The following GTPBP6 variants were observed in gnomAD, a reference collection of about 807,000 sequenced individuals.
GTPBP6 encodes the protein GTP binding protein 6.
GTPBP6 carries 33 observed loss-of-function variants against 28.9 expected under a neutral mutation model. The ratio of observed to expected loss-of-function variants is 1.14; its 90% CI spans 0.87 to 1.53. GTPBP6 has a LOEUF of 1.53. Among genes scored for constraint, GTPBP6 ranks in the 40% most tolerant of loss-of-function variants. GTPBP6 has a pLI of 0.00. For missense variants in GTPBP6, 507 were observed against 408.3 expected, an observed-to-expected ratio of 1.24 and a Z score of -2.08; for synonymous variants, 231 against 192.7, an observed-to-expected ratio of 1.20 and a Z score of -1.65.
In GTPBP6 at chrX:312,761, C is replaced by G; in HGVS notation, c.916+5G>C. ...GGAAGGCCCCTCCCCTGGGCGCGTG[C>G]TCACCGCAGTTGGTGTACCCCACCA... On this transcript the variant is annotated splice_donor_5th_base_variant and intron_variant, in intron 6 of 9. Coordinates refer to ENST00000326153, the Ensembl canonical transcript of GTPBP6. 1 of 1,610,680 alleles carries G rather than the reference C, an allele frequency of 6.2e-7. No homozygotes were observed. Among genetic ancestry groups the G allele is most frequent in the Non-Finnish European group, 8.5e-7 (1 of 1,178,932 alleles).
Position 315,333 on chromosome X carries a change from C to T in GTPBP6, c.488-34G>A, listed in dbSNP as rs1169228666. 72 of 398,530 alleles carry T rather than the reference C, an allele frequency of 1.8e-4. No homozygotes were observed. In the Middle Eastern group the frequency reaches 5.7e-3, roughly 31 times the overall value. The allele number at this position is 398,530 out of a possible 1,614,324, so 24.7% of individuals were successfully genotyped here. A position where few individuals can be genotyped will look rare whatever the true frequency, so the allele number is the denominator to read the frequency against. On this transcript the variant is annotated intron_variant, in intron 2 of 9. Transcript: ENST00000326153. ...AAGAGGGGGTCCCGTCAGAGGCTGGCCGTCCACACCCGTGGACTGTGGGAT... is the reference window on the plus strand; with the variant it reads ...AAGAGGGGGTCCCGTCAGAGGCTGGTCGTCCACACCCGTGGACTGTGGGAT...
chrX:307,516 C>CA lies in GTPBP6; in HGVS notation c.1275-5dup, dbSNP rs752386454. On this transcript the variant is annotated splice_polypyrimidine_tract_variant and splice_region_variant and intron_variant, in intron 8 of 9. Transcript: ENST00000326153. ...GTTCGGTTCCGTGGGGCTGTACCTG[C>CA]AAGGGTGGGGATGTCACAGGCCCCG... is the stretch of plus-strand genomic sequence containing the variant. 8.1e-6 allele frequency: 13 copies of CA among 1,610,462 alleles called. No homozygotes were observed. In the African/African-American group the frequency reaches 1.7e-4, roughly 22 times the overall value.
At chrX:307,931 C>G in intron 7 of GTPBP6, 51 bp from the exon 8 acceptor site, 1 of 1,428,014 alleles carries the variant, frequency 7.0e-7, no homozygotes, top group Non-Finnish European at 9.2e-7. Flanking sequence ...GTCCCTGACC[C>G]CAAGCTTGCA....
chrX:311,119 G>A (rs1305573943), intron 7 of GTPBP6, among the ~76,000 whole-genome samples: 5 of 151,406 alleles, frequency 3.3e-5, no homozygotes, highest in African/African-American at 1.2e-4. Flanking sequence ...TCTCGCCCGG[G>A]GACGTGGGAG....
intron 4 of GTPBP6, 135 bp from the exon 5 acceptor site, chrX:314,352 G>C (rs943469003): frequency 7.9e-6 from 6 of 757,380 alleles, no homozygotes; most frequent in Non-Finnish European, 1.2e-5. Context: ...GCCCCGCTCC[G>C]CGTGTAGCTC....
rs372449358 is a variant in GTPBP6 at position 311,830 on chromosome X, C to G, written c.917-203G>C. On this transcript the variant is annotated intron_variant, in intron 6 of 9. Transcript: ENST00000326153. ...CGTCGCTGTTCTCGGGCCGATGGAG[C>G]GGGGCCGCCGTGCGGACACGGGGGA... The G allele has an allele frequency of 1.6e-4, 100 of 610,948 alleles. 1 individual carries two copies. In the African/African-American group the frequency reaches 1.7e-3, roughly 10 times the overall value. 37.8% of individuals were successfully genotyped at this position (610,948 alleles called of 1,614,324 possible).
chrX:311,522 G>C lies in GTPBP6; in HGVS notation c.1022C>G (p.Ser341Ter), dbSNP rs763400000. 6 of 1,612,268 alleles carry C rather than the reference G, an allele frequency of 3.7e-6. No individual in the cohort carries two copies. In the South Asian group the frequency reaches 6.6e-5, roughly 18 times the overall value. The change falls in exon 7 of 10, where the codon TCA (serine) becomes TGA (stop). Residue 341 changes from serine to a stop codon, truncating the protein, a stop_gained. Transcript: ENST00000326153. LOFTEE classifies it high-confidence loss of function. The stretch of plus-strand genomic sequence containing the variant: ...GTCCACGTACAGGACGGTCATGCGT[G>C]AGGGCAGCGTGCCCGCGTGGGCCGT...
In GTPBP6 at chrX:314,225, G is replaced by A; in HGVS notation, c.690-8C>T. 1 of 1,611,968 alleles carries A rather than the reference G, an allele frequency of 6.2e-7. No homozygotes were observed. The highest frequency in any genetic ancestry group is 1.1e-5 in the South Asian group (1 of 91,026). On this transcript the variant is annotated splice_polypyrimidine_tract_variant and splice_region_variant and intron_variant, in intron 4 of 9. Transcript: ENST00000326153. ...TCCCTTTTCAAGTTCGACCTGGTGT[G>A]GGAACGGGAGTGGCTCGGTCTCTGC...
chrX:306,312 T>A (rs756447959), intron 9 of GTPBP6, among the ~76,000 whole-genome samples: 1 of 151,762 alleles, frequency 6.6e-6, no homozygotes, highest in African/African-American at 2.4e-5. Flanking sequence ...GTCAGAAATG[T>A]ACATTTTGAC....
At chrX:308,933 C>T (rs938870836) in intron 7 of GTPBP6, among the ~76,000 whole-genome samples, 7 of 151,930 alleles carry the variant, frequency 4.6e-5, no homozygotes, top group South Asian at 2.1e-4. Context: ...GACGGGATTT[C>T]GCCGTGGTCT....
chrX:314,587 C>T (rs1227320571), intron 4 of GTPBP6, among the ~76,000 whole-genome samples: 1 of 152,186 alleles, frequency 6.6e-6, no homozygotes, highest in Non-Finnish European at 1.5e-5. Flanking sequence ...ATTCTCCTGC[C>T]TCAGCCTCCT....
At chrX:305,117 C>T (rs765127492) in exon 10 of GTPBP6, 2 of 1,613,418 alleles carry the variant, frequency 1.2e-6, no homozygotes, top group Non-Finnish European at 1.7e-6. Flanking sequence ...GGCTGAGTTG[C>T]TGATGATGAC....
rs374592196 is a variant in GTPBP6 at position 311,651 on chromosome X, C to G, written c.917-24G>C. 3.2e-6 allele frequency: 5 copies of G among 1,572,976 alleles called. No homozygotes were observed. In the African/African-American group the frequency reaches 6.7e-5, roughly 21 times the overall value. On this transcript the variant is annotated intron_variant, in intron 6 of 9. Coordinates refer to ENST00000326153, the Ensembl canonical transcript of GTPBP6. ...TCCTAGGAGGGCGTGGAGGTCAGGG[C>G]GCTGCAGAGATCCCTGCGTCCCAAC...
At position 305,753 on chromosome X, in the gene GTPBP6, T is replaced by G. The variant is rs1180972325; in HGVS notation, c.1428-556A>C. ...AATTCTCCGGCCTTAGCCTCCCGAG[T>G]AGCTGGGACTACAGGTGCCCGCCAC... On this transcript the variant is annotated intron_variant, in intron 9 of 9. Coordinates refer to ENST00000326153, the Ensembl canonical transcript of GTPBP6. Among the ~76,000 whole-genome samples the G allele has an allele frequency of 2.7e-5, 4 of 149,168 alleles. No individual in the cohort carries two copies. In the East Asian group the frequency reaches 6.0e-4, roughly 22 times the overall value.
At chrX:305,153 G>C (rs1395440032) in exon 10 of GTPBP6, 5 of 1,613,606 alleles carry the variant, frequency 3.1e-6, no homozygotes, top group Non-Finnish European at 4.2e-6. Flanking sequence ...CCCGTCCTCA[G>C]GGATCACGTC....
chrX:308,479 G>C (rs914301042), intron 7 of GTPBP6, among the ~76,000 whole-genome samples: 11 of 152,066 alleles, frequency 7.2e-5, no homozygotes, highest in African/African-American at 2.7e-4. Flanking sequence ...CCAGAAGTTT[G>C]AGACCAGCCT....
At chrX:312,416 T>A (rs781762607) in intron 6 of GTPBP6, 11 of 524,676 alleles carry the variant, frequency 2.1e-5, no homozygotes, top group South Asian at 1.7e-4. Flanking sequence ...GGTGGTGGTA[T>A]AGATAGGGCA....
chrX:315,189 G>C (rs1463177870), intron 3 of GTPBP6, 40 bp downstream of exon 3: 2 of 398,522 alleles, frequency 5.0e-6, no homozygotes, highest in Non-Finnish European at 4.4e-6. Context: ...TCATCGCGTG[G>C]AGTGCGGGGA....
At chrX:318,664 T>A (rs2070484946) in exon 1 of GTPBP6, 1 of 396,298 alleles carries the variant, frequency 2.5e-6, no homozygotes, top group South Asian at 1.3e-4. Flanking sequence ...CCGGGGCTCC[T>A]GCGGCCGACA....
Sources: gnomAD v4.1 joint callset for allele counts (sites outside exome capture counted in the v4.1 genomes callset) on GRCh38, gnomAD v4.1.1 for gene constraint, MANE v1.5 for transcripts, NCBI Gene and HGNC (gene_info 2026-07-23, HGNC 2026-07-21) for gene names.